PRPF31: variants seen among roughly 807,000 people sequenced by gnomAD.
PRPF31 encodes the protein pre-mRNA processing factor 31.
In PRPF31, 12 loss-of-function variants were observed where a neutral mutation model predicts 60.4. The ratio of observed to expected loss-of-function variants is 0.20; its 90% CI spans 0.13 to 0.32. The LOEUF (loss-of-function observed/expected upper bound fraction) is 0.32. Among genes scored for constraint, PRPF31 ranks in the 10% least tolerant of loss-of-function variants. PRPF31 has a pLI of 1.00. For missense variants in PRPF31, 431 were observed against 687.1 expected (o/e 0.63, Z 4.17); for synonymous variants, 287 against 287.9 (o/e 1.00, Z 0.03).
At chr19:54,124,740 T>C in intron 8 of PRPF31, 84 bp downstream of exon 8, 1 of 1,483,594 alleles carries the variant, frequency 6.7e-7, no homozygotes, top group Non-Finnish European at 9.3e-7. Context: ...CCACCCACCA[T>C]CTGGCCCAGC....
chr19:54,127,838 G>A (rs1028996315), intron 9 of PRPF31, among the ~76,000 whole-genome samples: 38 of 152,216 alleles, frequency 2.5e-4, no homozygotes, highest in African/African-American at 8.4e-4. Context: ...CCCCTGCCCC[G>A]TGGCGTGGAC....
chr19:54,131,425 C>A lies in PRPF31; in HGVS notation c.1493C>A (p.Ser498Tyr). Reference protein sequence around the residue: ...KVKGEKSGLMST With the variant: ...KVKGEKSGLMYT ...AAGGGCGAGAAGAGTGGCCTTATGT[C>A]CACCTGAATGACTGCGTGTGTCCAA... The change falls in exon 14 of 14, where the codon TCC (serine) becomes TAC (tyrosine). Residue 498 changes from serine to tyrosine, a missense_variant. Ser to Tyr is a moderately radical substitution (Grantham distance 144). Around this residue, in one of 4 missense-constraint regions of PRPF31, gnomAD observed 314 missense variants for 475.3 expected, o/e 0.66. Transcript: ENST00000321030. 1 of 1,614,074 alleles carries A rather than the reference C, an allele frequency of 6.2e-7. No homozygotes were observed. Among genetic ancestry groups the A allele is most frequent in the East Asian group, 2.2e-5 (1 of 44,884 alleles).
chr19:54,116,555 G>T (rs1273155293), intron 1 of PRPF31, among the ~76,000 whole-genome samples: 2 of 152,232 alleles, frequency 1.3e-5, no homozygotes, highest in African/African-American at 4.8e-5. Flanking sequence ...ACCATGGTGT[G>T]GCCCTGGGGA....
intron 11 of PRPF31, 53 bp from the exon 12 acceptor site, chr19:54,129,004 C>T: frequency 6.5e-7 from 1 of 1,534,604 alleles, no homozygotes; most frequent in South Asian, 1.2e-5. Context: ...GCCTCGGTGG[C>T]TGGAGGGCAG....
intron 3 of PRPF31, chr19:54,120,115 T>C (rs1004026391): frequency 1.3e-5 from 2 of 152,216 alleles, no homozygotes; most frequent in African/African-American, 4.8e-5. Context: ...CATGAATGCA[T>C]GTGCCAGGCA....
At position 54,129,043 on chromosome 19, in the gene PRPF31, C is replaced by A. The variant is rs760901632; in HGVS notation, c.1147-14C>A. 6.4e-7 allele frequency: 1 copy of A among 1,564,688 alleles called. No individual in the cohort carries two copies. Among genetic ancestry groups the A allele is most frequent in the Non-Finnish European group, 8.7e-7 (1 of 1,155,202 alleles). ...CTGGTCGCTGAACTGCAGGGCGCCTCCTCTCCCCCCTAGATCGAGGAGGAC... is the reference window on the plus strand; with the variant it reads ...CTGGTCGCTGAACTGCAGGGCGCCTACTCTCCCCCCTAGATCGAGGAGGAC... On this transcript the variant is annotated splice_polypyrimidine_tract_variant and intron_variant, in intron 11 of 13. Transcript: ENST00000321030.
Position 54,125,495 on chromosome 19 carries a change from C to CAA in PRPF31, c.855+853_855+854dup, listed in dbSNP as rs144173467. 8.0e-3 allele frequency among the ~76,000 whole-genome samples: 1,031 copies of CAA among 129,484 alleles called. 5 individuals are homozygous for CAA. The highest frequency in any genetic ancestry group is 9.4e-3 in the African/African-American group (334 of 35,410). 84.9% of individuals were successfully genotyped at this position (129,484 alleles called of 152,430 possible). A position where few individuals can be genotyped will look rare whatever the true frequency, so the allele number is the denominator to read the frequency against. On this transcript the variant is annotated intron_variant, in intron 8 of 13. Transcript: ENST00000321030. ...TGGGTGACAGAGTGAGACTCTGTCT[C>CAA]AAAAAAAAAAAAAAACAAGCAAGAC...
At chr19:54,120,306 C>T (rs1297371174) in intron 3 of PRPF31, 2 of 152,158 alleles carry the variant, frequency 1.3e-5, no homozygotes, top group Non-Finnish European at 2.9e-5. Context: ...GAGTCAGACC[C>T]CGTCACACCC....
chr19:54,126,469 G>C, intron 8 of PRPF31, 59 bp from the exon 9 acceptor site: 1 of 1,550,458 alleles, frequency 6.4e-7, no homozygotes, highest in South Asian at 1.2e-5. Flanking sequence ...CGGTTGCTTT[G>C]CTGTTACCTC....
chr19:54,122,337 C>T (rs138234270), intron 4 of PRPF31, 160 bp from the exon 5 acceptor site: 13 of 762,524 alleles, frequency 1.7e-5, no homozygotes, highest in South Asian at 6.9e-5. Context: ...TCACACCTAG[C>T]GGTAAGGACG....
intron 5 of PRPF31, chr19:54,123,227 T>C (rs2073836639): frequency 3.3e-6 from 2 of 605,884 alleles, no homozygotes; most frequent in African/African-American, 3.7e-5. Flanking sequence ...CTGCCCGGGC[T>C]CCGTTTCCAG....
intron 7 of PRPF31, chr19:54,124,123 C>A: frequency 8.8e-7 from 1 of 1,130,206 alleles, no homozygotes; most frequent in Non-Finnish European, 1.2e-6. Flanking sequence ...CTTCTCCCTC[C>A]CCTGTGCCGG....
At chr19:54,120,545 C>G (rs2073760986) in intron 3 of PRPF31, among the ~76,000 whole-genome samples, 2 of 152,218 alleles carry the variant, frequency 1.3e-5, no homozygotes, top group South Asian at 4.1e-4. Flanking sequence ...CAGATCTGAG[C>G]TCTGCCTTCT....
intron 13 of PRPF31, among the ~76,000 whole-genome samples, chr19:54,130,392 G>A (rs1600365282): frequency 1.3e-5 from 2 of 152,310 alleles, no homozygotes; most frequent in African/African-American, 4.8e-5. Flanking sequence ...TTGGGAGGCC[G>A]AGGCAGGTGG....
In PRPF31 at chr19:54,129,462, C is replaced by A. The variant is rs935575086; in HGVS notation, c.1374+92C>A. 31 of 1,417,184 alleles carry A rather than the reference C, an allele frequency of 2.2e-5. No individual in the cohort carries two copies. In the Admixed American group the frequency reaches 3.0e-4, roughly 14 times the overall value. 87.8% of individuals were successfully genotyped at this position (1,417,184 alleles called of 1,614,324 possible). A position where few individuals can be genotyped will look rare whatever the true frequency, so the allele number is the denominator to read the frequency against. On this transcript the variant is annotated intron_variant, in intron 13 of 13. Coordinates refer to ENST00000321030, the MANE Select transcript of PRPF31 (RefSeq NM_015629.4). Reference sequence around the variant, plus strand: ...CTGTGAAGAAGGCCAGGATGAGTCTCCTCATGGGGCTGTTGTGGAGGGTGT... The same window carrying A: ...CTGTGAAGAAGGCCAGGATGAGTCTACTCATGGGGCTGTTGTGGAGGGTGT...
chr19:54,127,656 C>A (rs587598566), intron 9 of PRPF31, among the ~76,000 whole-genome samples: 3 of 152,342 alleles, frequency 2.0e-5, no homozygotes, highest in African/African-American at 7.2e-5. Context: ...CTTCTGTCTT[C>A]CTTGGTAGAT....
chr19:54,118,000 A>G (rs1362815434), intron 1 of PRPF31, among the ~76,000 whole-genome samples: 1 of 150,270 alleles, frequency 6.7e-6, no homozygotes, highest in East Asian at 2.0e-4. Flanking sequence ...AAGGAATAAG[A>G]AAGTTTGCAA....
Position 54,129,295 on chromosome 19 carries a change from C to T in PRPF31, c.1299C>T (p.Val433=), listed in dbSNP as rs182139525. ...TLQRTLQKQS[V]VYGGKSTIRD... ...AGCGGACCCTGCAGAAGCAGAGCGT[C>T]GTATATGGCGGGAAGTCCACCATCC... is the stretch of plus-strand genomic sequence containing the variant. The change falls in exon 13 of 14, where the codon GTC becomes GTT. Residue 433 remains valine (V), a synonymous_variant. Transcript: ENST00000321030. 4.8e-5 allele frequency: 78 copies of T among 1,611,262 alleles called. No individual in the cohort carries two copies. Among genetic ancestry groups the T allele is most frequent in the Non-Finnish European group, 5.9e-5 (70 of 1,179,380 alleles).
intron 9 of PRPF31, 141 bp downstream of exon 9, chr19:54,126,758 C>T: frequency 1.1e-6 from 1 of 880,534 alleles, no homozygotes; most frequent in Non-Finnish European, 1.9e-6. Context: ...CCCACCCTCC[C>T]TGGGGTCAGG....
Sources: allele counts gnomAD v4.1 joint callset (sites outside exome capture counted in the v4.1 genomes callset), GRCh38; gene constraint gnomAD v4.1.1; regional missense constraint gnomAD v4.1.1; transcripts MANE v1.5; gene names NCBI Gene and HGNC (gene_info 2026-07-23, HGNC 2026-07-21).